The following ANK3 variants were observed in gnomAD, a reference collection of about 807,000 sequenced individuals.
ANK3 encodes ankyrin 3, also known as ankyrin-3.
In ANK3, 57 loss-of-function variants were observed where a neutral mutation model predicts 370.9. The observed-to-expected ratio is 0.15, with a 90% CI of 0.12 to 0.19. The LOEUF (loss-of-function observed/expected upper bound fraction) is 0.19. Ranked by LOEUF, ANK3 falls within the 10% of genes least tolerant of loss-of-function variation. The pLI, the probability that ANK3 is intolerant of heterozygous loss-of-function variation, is 1.00. For synonymous variants in ANK3, 1,929 were observed against 1,946.3 expected, an observed-to-expected ratio of 0.99 and a Z score of 0.23; for missense variants, 4,439 against 5,302.1, an observed-to-expected ratio of 0.84 and a Z score of 5.06.
chr10:60,378,667 T>C (rs889472429), intron 1 of ANK3, among the ~76,000 whole-genome samples: 7 of 152,066 alleles, frequency 4.6e-5, no homozygotes, highest in African/African-American at 1.7e-4. Flanking sequence ...AGAATGAAAC[T>C]AGACTTTCCC....
At chr10:60,591,101 G>T (rs554523073) in intron 2 of ANK3, among the ~76,000 whole-genome samples, 3 of 152,198 alleles carry the variant, frequency 2.0e-5, no homozygotes, top group Admixed American at 2.0e-4. Context: ...CAGAAGTGAT[G>T]ACTGGGGTTG....
Position 60,673,246 on chromosome 10 carries a change from GA to G in ANK3, c.58-58023del, listed in dbSNP as rs202046212. 3.8e-4 allele frequency among the ~76,000 whole-genome samples: 58 copies of G among 152,116 alleles called. No homozygotes were observed. In the East Asian group the frequency reaches 0.011, roughly 29 times the overall value. On this transcript the variant is annotated intron_variant, in intron 1 of 43. Transcript: ENST00000373827. ...GAGGAAAGACATTCATGAGAGATTA[GA>G]AGGTCCCATTCCTTCTCCTTGACAA... is the stretch of plus-strand genomic sequence containing the variant.
intron 2 of ANK3, among the ~76,000 whole-genome samples, chr10:60,427,687 A>G (rs2063919786): frequency 6.6e-6 from 1 of 152,142 alleles, no homozygotes; most frequent in Non-Finnish European, 1.5e-5. Flanking sequence ...AAAATTAGAG[A>G]AGGGCATGAA....
chr10:60,445,553 A>G (rs2064421687), intron 2 of ANK3, among the ~76,000 whole-genome samples: 1 of 152,144 alleles, frequency 6.6e-6, no homozygotes, highest in Non-Finnish European at 1.5e-5. Flanking sequence ...CTACTAAAAA[A>G]AAAAAAAGGA....
At chr10:60,569,399 T>C (rs373045526) in intron 2 of ANK3, among the ~76,000 whole-genome samples, 1 of 152,202 alleles carries the variant, frequency 6.6e-6, no homozygotes, top group African/African-American at 2.4e-5. Context: ...GATTCATCTA[T>C]TCAAGACAAG....
chr10:60,076,110 T>C lies in ANK3; in HGVS notation c.4771A>G (p.Asn1591Asp). 6.2e-7 allele frequency: 1 copy of C among 1,614,212 alleles called. No individual in the cohort carries two copies. The highest frequency in any genetic ancestry group is 1.6e-4 in the Middle Eastern group (1 of 6,062). Residue 1591 changes from asparagine (N) to aspartate (D), a missense_variant, in exon 37 of 44, where the codon AAT (asparagine) becomes GAT (aspartate). Coordinates refer to ENST00000280772, the MANE Select transcript of ANK3 (RefSeq NM_020987.5). The part of the protein sequence containing the change: ...IKTVVSQSPY[N>D]IQVSSGTLAR... ...AGGGTACCAGAGGAAACTTGGATAT[T>C]GTATGGAGATTGTGACACCACAGTT...
intron 1 of ANK3, among the ~76,000 whole-genome samples, chr10:60,312,527 C>T (rs1440892958): frequency 6.6e-6 from 1 of 152,166 alleles, no homozygotes; most frequent in African/African-American, 2.4e-5. Context: ...ATTGTCAAGT[C>T]ATAGCAATTC....
intron 42 of ANK3, among the ~76,000 whole-genome samples, chr10:60,047,035 C>G (rs1199968311): frequency 6.6e-6 from 1 of 152,130 alleles, no homozygotes; most frequent in Non-Finnish European, 1.5e-5. Context: ...TTTTGATCTC[C>G]TGACCTCGTG....
chr10:60,368,990 AC>A (rs1266374583), intron 1 of ANK3, among the ~76,000 whole-genome samples: 1 of 152,214 alleles, frequency 6.6e-6, no homozygotes, highest in African/African-American at 2.4e-5. Context: ...GAAAGGTTCT[AC>A]ATCTTGTGGA....
rs185264934 is a variant in ANK3, at chr10:60,657,347, G to A, written c.58-42123C>T. Among the ~76,000 whole-genome samples, 221 of 152,256 alleles carry A rather than the reference G, an allele frequency of 1.5e-3. 1 individual carries two copies. Among genetic ancestry groups the A allele is most frequent in the Non-Finnish European group, 2.5e-3 (170 of 68,018 alleles). On this transcript the variant is annotated intron_variant, in intron 1 of 43. Transcript: ENST00000373827. Reference sequence around the variant, plus strand: ...AAACCATATCAGGAGACAAGGTCTTGTTCTGTTGCCCAGGCTGGTCTTGAA... The same window carrying A: ...AAACCATATCAGGAGACAAGGTCTTATTCTGTTGCCCAGGCTGGTCTTGAA...
In ANK3 at chr10:60,139,005, T is replaced by G. The variant is rs2094460753; in HGVS notation, c.2697A>C (p.Ala899=). 1 of 1,613,854 alleles carries G rather than the reference T, an allele frequency of 6.2e-7. No homozygotes were observed. Reference sequence around the variant, plus strand: ...CGAGACTAAAGCCCATGTAACCCTCTGCAGGCAGGGAATCATCACCCAATT... The same window carrying G: ...CGAGACTAAAGCCCATGTAACCCTCGGCAGGCAGGGAATCATCACCCAATT... ...LKELGDDSLP[A]EGYMGFSLGA... Residue 899 remains alanine, a synonymous_variant, in exon 24 of 44, where the codon GCA becomes GCC. Transcript: ENST00000280772.
At chr10:60,319,398 G>A (rs1228682689) in intron 1 of ANK3, among the ~76,000 whole-genome samples, 1 of 152,080 alleles carries the variant, frequency 6.6e-6, no homozygotes, top group Admixed American at 6.6e-5. Context: ...TTTCTAACTT[G>A]TTCTCATTAA....
chr10:60,171,845 C>T (rs1206704996), intron 21 of ANK3, among the ~76,000 whole-genome samples: 4 of 152,212 alleles, frequency 2.6e-5, no homozygotes, highest in Non-Finnish European at 5.9e-5. Context: ...AGTTCTGATC[C>T]CATCTGGAAT....
intron 2 of ANK3, among the ~76,000 whole-genome samples, chr10:60,595,399 T>C (rs1361830895): frequency 2.0e-5 from 3 of 152,104 alleles, no homozygotes; most frequent in East Asian, 1.9e-4. Flanking sequence ...AATGAAATCA[T>C]AGGGATTGGA....
At chr10:60,298,996 G>T (rs1056396377) in intron 1 of ANK3, among the ~76,000 whole-genome samples, 1 of 152,154 alleles carries the variant, frequency 6.6e-6, no homozygotes, top group Non-Finnish European at 1.5e-5. Flanking sequence ...TGGGTAAGTT[G>T]ATTATTTTTA....
At chr10:60,643,290 C>A (rs1170921351) in intron 1 of ANK3, among the ~76,000 whole-genome samples, 1 of 152,082 alleles carries the variant, frequency 6.6e-6, no homozygotes, top group African/African-American at 2.4e-5. Context: ...CCAGCACAGC[C>A]AGAATAAAGC....
At chr10:60,170,616 G>A (rs898718985) in intron 21 of ANK3, among the ~76,000 whole-genome samples, 2 of 152,162 alleles carry the variant, frequency 1.3e-5, no homozygotes, top group Admixed American at 1.3e-4. Context: ...TTTCCAATTA[G>A]CATGCATAGT....
At chr10:60,588,016 G>A (rs773348081) in intron 2 of ANK3, among the ~76,000 whole-genome samples, 4 of 151,840 alleles carry the variant, frequency 2.6e-5, no homozygotes, top group Non-Finnish European at 4.4e-5. Context: ...AGCTAATAAT[G>A]CACAAACATG....
At chr10:60,728,689 G>C (rs2079977583) in intron 1 of ANK3, among the ~76,000 whole-genome samples, 1 of 152,102 alleles carries the variant, frequency 6.6e-6, no homozygotes, top group Admixed American at 6.5e-5. Flanking sequence ...ACATTTCTGA[G>C]GTTACAGAAC....
Sources: allele counts gnomAD v4.1 joint callset (sites outside exome capture counted in the v4.1 genomes callset), GRCh38; gene constraint gnomAD v4.1.1; transcripts MANE v1.5; gene names NCBI Gene and HGNC (gene_info 2026-07-23, HGNC 2026-07-21).